The following MTA3 variants were observed in gnomAD, a reference collection of about 807,000 sequenced individuals.
The protein encoded by MTA3 is metastasis-associated protein MTA3.
In MTA3, 34 loss-of-function variants were observed where a neutral mutation model predicts 83.5. That is an observed-to-expected ratio of 0.41 (90% confidence interval 0.31 to 0.54). The LOEUF is 0.54. MTA3 is among the 20% of genes least tolerant of loss of function. MTA3 has a pLI of 0.33. For synonymous variants in MTA3, 303 were observed against 252.7 expected (o/e 1.20, Z -1.89); for missense variants, 761 against 726.4 (o/e 1.05, Z -0.55).
intron 6 of MTA3, among the ~76,000 whole-genome samples, chr2:42,646,060 C>G (rs1319511943): frequency 6.6e-6 from 1 of 152,224 alleles, no homozygotes; most frequent in Non-Finnish European, 1.5e-5. Flanking sequence ...AAGAATTACA[C>G]TAAATCTGCT....
chr2:42,508,546 T>G (rs1674745425), intron 2 of MTA3, among the ~76,000 whole-genome samples: 1 of 151,488 alleles, frequency 6.6e-6, no homozygotes. Context: ...TTACCCAGGC[T>G]GGTCTCAAAC....
intron 3 of MTA3, among the ~76,000 whole-genome samples, chr2:42,593,173 A>T (rs1481230129): frequency 1.6e-5 from 1 of 62,592 alleles, no homozygotes; most frequent in African/African-American, 7.9e-5. Flanking sequence ...AATTAAATAG[A>T]ATTAAAACAA....
chr2:42,656,563 A>T (rs1689189377), intron 7 of MTA3, among the ~76,000 whole-genome samples: 1 of 152,218 alleles, frequency 6.6e-6, no homozygotes, highest in South Asian at 2.1e-4. Flanking sequence ...TGAAGAAAAT[A>T]CCTGAAGTCC....
chr2:42,755,952 GGAA>G lies in MTA3; in HGVS notation c.*2555_*2557del. The G allele has an allele frequency of 2.0e-6, 2 of 985,500 alleles. No individual in the cohort carries two copies. Among genetic ancestry groups the G allele is most frequent in the Non-Finnish European group, 2.4e-6 (2 of 830,000 alleles). The allele number at this position is 985,500 out of a possible 1,614,324, so 61.0% of individuals were successfully genotyped here. On this transcript the variant is annotated 3_prime_UTR_variant, in exon 17 of 17. Coordinates refer to ENST00000405094, the MANE Select transcript of MTA3 (RefSeq NM_001330442.2). Reference sequence around the variant, plus strand: ...GGAGGGCCGACTGGAGGGTGTCGCCGGAAGGTTTCAGCCTGCCCTTCACAATTC... The same window carrying G: ...GGAGGGCCGACTGGAGGGTGTCGCCGGGTTTCAGCCTGCCCTTCACAATTC...
At chr2:42,521,090 G>A (rs1439683941) in intron 2 of MTA3, among the ~76,000 whole-genome samples, 1 of 152,168 alleles carries the variant, frequency 6.6e-6, no homozygotes, top group Non-Finnish European at 1.5e-5. Context: ...TGGACCTAGT[G>A]GCTCACTTCT....
At chr2:42,721,658 G>A (rs1333013644) in intron 15 of MTA3, among the ~76,000 whole-genome samples, 2 of 152,238 alleles carry the variant, frequency 1.3e-5, no homozygotes, top group Admixed American at 6.5e-5. Context: ...ATGAGCGTTA[G>A]GGCAGCCTAC....
chr2:42,611,973 G>T (rs1398379497), intron 4 of MTA3, among the ~76,000 whole-genome samples: 1 of 152,092 alleles, frequency 6.6e-6, no homozygotes, highest in Non-Finnish European at 1.5e-5. Context: ...TGCTATTTAG[G>T]ATTTTTATTA....
intron 1 of MTA3, 112 bp downstream of exon 1, chr2:42,568,885 A>G (rs1273392477): frequency 9.3e-7 from 1 of 1,070,656 alleles, no homozygotes; most frequent in African/African-American, 1.7e-5. Flanking sequence ...CTGAGGTCGC[A>G]GTGGGCTGGG....
At chr2:42,520,904 C>G (rs1675399430) in intron 2 of MTA3, among the ~76,000 whole-genome samples, 1 of 152,130 alleles carries the variant, frequency 6.6e-6, no homozygotes, top group South Asian at 2.1e-4. Flanking sequence ...CCCAGTGGAG[C>G]TCCCTACTGC....
chr2:42,609,318 C>T, intron 3 of MTA3, 140 bp from the exon 4 acceptor site: 1 of 891,456 alleles, frequency 1.1e-6, no homozygotes, highest in Non-Finnish European at 1.7e-6. Context: ...AAGCATGAGC[C>T]ACTGCACCTG....
chr2:42,557,135 C>T (rs1043032328), intron 2 of MTA3, among the ~76,000 whole-genome samples: 1 of 151,962 alleles, frequency 6.6e-6, no homozygotes, highest in Non-Finnish European at 1.5e-5. Context: ...CCCAGCTACT[C>T]GGGAGGCTGA....
At chr2:42,699,887 A>G (rs1693713584) in intron 11 of MTA3, among the ~76,000 whole-genome samples, 1 of 152,170 alleles carries the variant, frequency 6.6e-6, no homozygotes, top group Admixed American at 6.6e-5. Flanking sequence ...AGCCATAGAT[A>G]AGATTTCTGA....
At chr2:42,612,295 G>T (rs1429029206) in intron 4 of MTA3, among the ~76,000 whole-genome samples, 1 of 152,082 alleles carries the variant, frequency 6.6e-6, no homozygotes, top group Non-Finnish European at 1.5e-5. Context: ...GCTCACTGCA[G>T]CCTTAAACTC....
intron 8 of MTA3, among the ~76,000 whole-genome samples, chr2:42,673,972 TAAC>T (rs1363801285): frequency 3.9e-5 from 6 of 152,246 alleles, no homozygotes; most frequent in African/African-American, 1.4e-4. Context: ...CAGTGGCTTA[TAAC>T]AACAAGCATT....
In MTA3 at chr2:42,728,342, G is replaced by A. The variant is rs187071695; in HGVS notation, c.1759+5307G>A. Among the ~76,000 whole-genome samples the A allele has an allele frequency of 3.5e-3, 528 of 152,264 alleles. 2 individuals are homozygous for A. The highest frequency in any genetic ancestry group is 0.012 in the African/African-American group (502 of 41,548). On this transcript the variant is annotated intron_variant, in intron 16 of 16. Transcript: ENST00000405094. ...CATTTTCTTTATCAACTTGTCTGTTGATGGACACTTAGGTTGCTTCCAAAT... is the reference window on the plus strand; with the variant it reads ...CATTTTCTTTATCAACTTGTCTGTTAATGGACACTTAGGTTGCTTCCAAAT...
Position 42,756,068 on chromosome 2 carries a change from A to C in MTA3, c.*2669A>C. 1.0e-6 allele frequency: 1 copy of C among 968,784 alleles called. No homozygotes were observed. The highest frequency in any genetic ancestry group is 1.2e-6 in the Non-Finnish European group (1 of 814,840). The allele number at this position is 968,784 out of a possible 1,614,324, so 60.0% of individuals were successfully genotyped here. A position where few individuals can be genotyped will look rare whatever the true frequency, so the allele number is the denominator to read the frequency against. ...GGGTTTTCATCCAGAGATTTGTTTAACACAAAACAAGAAAAGCTGAGAGGC... is the reference window on the plus strand; with the variant it reads ...GGGTTTTCATCCAGAGATTTGTTTACCACAAAACAAGAAAAGCTGAGAGGC... On this transcript the variant is annotated 3_prime_UTR_variant, in exon 17 of 17. Transcript: ENST00000405094.
chr2:42,670,129 C>G (rs1355236673), intron 8 of MTA3, among the ~76,000 whole-genome samples: 1 of 152,152 alleles, frequency 6.6e-6, no homozygotes, highest in Non-Finnish European at 1.5e-5. Flanking sequence ...CGTGGTGGCA[C>G]ATGCCTGTAA....
chr2:42,504,122 G>A (rs1674521534), intron 2 of MTA3, among the ~76,000 whole-genome samples: 1 of 151,904 alleles, frequency 6.6e-6, no homozygotes, highest in Admixed American at 6.6e-5. Flanking sequence ...TAGAGATGGG[G>A]TTTCGCTGTG....
At chr2:42,615,711 C>CTTCTT (rs1684789013) in intron 4 of MTA3, among the ~76,000 whole-genome samples, 1 of 59,794 alleles carries the variant, frequency 1.7e-5, no homozygotes, top group African/African-American at 6.8e-5. Context: ...ATAATCTCTT[C>CTTCTT]TTTTTTTTTT....
Sources: allele counts gnomAD v4.1 joint callset (sites outside exome capture counted in the v4.1 genomes callset), GRCh38; gene constraint gnomAD v4.1.1; transcripts MANE v1.5; gene names NCBI Gene and HGNC (gene_info 2026-07-23, HGNC 2026-07-21).